The following GNAO1 variants were observed in gnomAD, a reference collection of about 807,000 sequenced individuals.
GNAO1 encodes the protein guanine nucleotide-binding protein G(o) subunit alpha.
For synonymous variants in GNAO1, 164 were observed against 180.7 expected (o/e 0.91, Z 0.74); for missense variants, 166 against 478.7 (o/e 0.35, Z 6.10).
intron 2 of GNAO1, among the ~76,000 whole-genome samples, chr16:56,243,323 C>T (rs989630337): frequency 1.3e-5 from 2 of 152,172 alleles, no homozygotes; most frequent in African/African-American, 4.8e-5. Context: ...AAATTGGCCC[C>T]TGGTTCCAAA....
intron 2 of GNAO1, among the ~76,000 whole-genome samples, chr16:56,222,855 G>A (rs1285923428): frequency 6.6e-6 from 1 of 152,076 alleles, no homozygotes; most frequent in East Asian, 1.9e-4. Flanking sequence ...GATAATGATA[G>A]CTAGCATGTT....
chr16:56,308,491 C>CT (rs1172301093), intron 3 of GNAO1, among the ~76,000 whole-genome samples: 1 of 152,120 alleles, frequency 6.6e-6, no homozygotes, highest in Non-Finnish European at 1.5e-5. Context: ...GGAGGGGAGT[C>CT]TAACTGGGGA....
intron 4 of GNAO1, 46 bp from the exon 5 acceptor site, chr16:56,334,683 T>C: frequency 6.2e-7 from 1 of 1,608,580 alleles, no homozygotes; most frequent in Non-Finnish European, 8.5e-7. Flanking sequence ...TCCCGAACAG[T>C]GTCCAGGCAT....
At position 56,270,419 on chromosome 16, in the gene GNAO1, GACACACACACACACAC is replaced by G. The variant is rs148497109; in HGVS notation, c.162-5500_162-5485del. 5.5e-5 allele frequency: 8 copies of G among 146,374 alleles called. No individual in the cohort carries two copies. The East Asian group carries it at 1.6e-3, about 29-fold the overall frequency. The allele number at this position is 146,374 out of a possible 1,614,324, so 9.1% of individuals were successfully genotyped here. A position where few individuals can be genotyped will look rare whatever the true frequency, so the allele number is the denominator to read the frequency against. ...AAGAAATCTAGTAGGTCCCCACCCT[GACACACACACACACAC>G]ACACACACACATAACACACACAGGG... On this transcript the variant is annotated intron_variant, in intron 2 of 8. Coordinates refer to ENST00000262493, the MANE Select transcript of GNAO1 (RefSeq NM_020988.3).
At chr16:56,348,957 C>T (rs1400288722) in intron 6 of GNAO1, among the ~76,000 whole-genome samples, 1 of 152,210 alleles carries the variant, frequency 6.6e-6, no homozygotes, top group African/African-American at 2.4e-5. Context: ...TCCAGCTGGA[C>T]TCTGAGCTCT....
chr16:56,192,847 C>G (rs541127529), intron 2 of GNAO1: 3 of 553,630 alleles, frequency 5.4e-6, no homozygotes, highest in South Asian at 2.3e-5. Context: ...GGAAGGGGAG[C>G]GCCTGTAGTT....
intron 3 of GNAO1, among the ~76,000 whole-genome samples, chr16:56,278,214 G>A (rs1256633798): frequency 6.6e-6 from 1 of 152,218 alleles, no homozygotes. Context: ...ACTCCCTGGA[G>A]AGTCCACTGG....
At chr16:56,228,022 G>A (rs533345075) in intron 2 of GNAO1, among the ~76,000 whole-genome samples, 49 of 152,242 alleles carry the variant, frequency 3.2e-4, no homozygotes, top group Non-Finnish European at 5.9e-4. Flanking sequence ...TCCCTGCCTG[G>A]GCAGTGCTGG....
At chr16:56,241,492 G>GA (rs1295791410) in intron 2 of GNAO1, among the ~76,000 whole-genome samples, 1 of 152,138 alleles carries the variant, frequency 6.6e-6, no homozygotes, top group Non-Finnish European at 1.5e-5. Flanking sequence ...CCAATCTTTT[G>GA]AAACAAATAG....
intron 2 of GNAO1, among the ~76,000 whole-genome samples, chr16:56,244,530 A>T (rs71387113): frequency 0.037 from 5,642 of 152,136 alleles, 144 homozygotes; most frequent in Middle Eastern, 0.079. Flanking sequence ...GCTTGACAAG[A>T]ATAAGAAACT....
chr16:56,249,080 A>G (rs544673284), intron 2 of GNAO1, among the ~76,000 whole-genome samples: 4 of 152,248 alleles, frequency 2.6e-5, no homozygotes, highest in Admixed American at 6.5e-5. Context: ...TTAGGGAGGT[A>G]GCAGAGCAAT....
At chr16:56,291,011 T>A (rs2037226885) in intron 3 of GNAO1, among the ~76,000 whole-genome samples, 1 of 152,242 alleles carries the variant, frequency 6.6e-6, no homozygotes, top group African/African-American at 2.4e-5. Flanking sequence ...ATTCATCTAT[T>A]CATCATTTGA....
intron 2 of GNAO1, among the ~76,000 whole-genome samples, chr16:56,195,827 T>C (rs2036227445): frequency 1.3e-5 from 2 of 152,260 alleles, no homozygotes; most frequent in Admixed American, 1.3e-4. Flanking sequence ...CAAAGAGTCA[T>C]TCCATTGAGC....
intron 3 of GNAO1, among the ~76,000 whole-genome samples, chr16:56,296,166 C>T (rs963560834): frequency 9.2e-5 from 14 of 152,184 alleles, no homozygotes; most frequent in Admixed American, 3.3e-4. Flanking sequence ...CAGCCAAAAC[C>T]GAATGGGCTT....
intron 2 of GNAO1, among the ~76,000 whole-genome samples, chr16:56,208,842 A>G (rs973852037): frequency 1.3e-5 from 2 of 151,906 alleles, no homozygotes; most frequent in Non-Finnish European, 2.9e-5. Context: ...ATTAATTTGT[A>G]GGTGTTCTTT....
At chr16:56,310,105 A>G (rs1010760298) in intron 3 of GNAO1, among the ~76,000 whole-genome samples, 12 of 152,080 alleles carry the variant, frequency 7.9e-5, no homozygotes, top group African/African-American at 2.9e-4. Context: ...TGAGGCCAAG[A>G]AGACCAGCGT....
At chr16:56,295,858 G>C (rs558151396) in intron 3 of GNAO1, among the ~76,000 whole-genome samples, 6 of 152,330 alleles carry the variant, frequency 3.9e-5, no homozygotes, top group Admixed American at 3.3e-4. Context: ...GTAGTTGTTT[G>C]GGGGAGACCA....
At chr16:56,207,037 T>C (rs1192250814) in intron 2 of GNAO1, among the ~76,000 whole-genome samples, 2 of 152,274 alleles carry the variant, frequency 1.3e-5, no homozygotes, top group African/African-American at 4.8e-5. Context: ...TATTACATAT[T>C]ACTCTCCTTA....
chr16:56,336,818 G>A lies in GNAO1; in HGVS notation c.681G>A (p.Ala227=), dbSNP rs770769352. 2.5e-5 allele frequency: 40 copies of A among 1,613,386 alleles called. No individual in the cohort carries two copies. Among genetic ancestry groups the A allele is most frequent in the African/African-American group, 4.0e-5 (3 of 75,070 alleles). The part of the protein sequence containing the change: ...EDVTAIIFCV[A]LSGYDQVLHE... ...TCACGGCCATCATTTTCTGTGTCGC[G>A]CTCAGCGGCTATGACCAGGTGCTCC... is the stretch of plus-strand genomic sequence containing the variant. Residue 227 remains alanine (A), a synonymous_variant, in exon 6 of 9, where the codon GCG becomes GCA. Coordinates refer to ENST00000262493, the MANE Select transcript of GNAO1 (RefSeq NM_020988.3).
Sources: allele counts gnomAD v4.1 joint callset (sites outside exome capture counted in the v4.1 genomes callset), GRCh38; gene constraint gnomAD v4.1.1; transcripts MANE v1.5; gene names NCBI Gene and HGNC (gene_info 2026-07-23, HGNC 2026-07-21).